Variants in PSD3 observed in about 807,000 individuals in gnomAD.
The protein encoded by PSD3 is pleckstrin and Sec7 domain containing 3.
A neutral mutation model predicts 105.5 loss-of-function variants in PSD3; 49 were observed. That is an observed-to-expected ratio of 0.46 (90% confidence interval 0.37 to 0.59). The LOEUF (loss-of-function observed/expected upper bound fraction) is 0.59. PSD3 is among the 20% of genes least tolerant of loss of function. The probability of loss-of-function intolerance (pLI) is 0.00; values close to 1 mark genes in which losing one functional copy is unlikely to be tolerated. For synonymous variants in PSD3, 557 were observed against 457.8 expected, an observed-to-expected ratio of 1.22 and a Z score of -2.77; for missense variants, 1,561 against 1,263.8, an observed-to-expected ratio of 1.24 and a Z score of -3.57.
chr8:18,774,000 T>C (rs534642910), intron 8 of PSD3, among the ~76,000 whole-genome samples: 4 of 152,234 alleles, frequency 2.6e-5, no homozygotes, highest in Non-Finnish European at 5.9e-5. Context: ...ACTGTAAAAT[T>C]ATTTCACTTT....
intron 4 of PSD3, among the ~76,000 whole-genome samples, chr8:18,827,730 G>T (rs764608234): frequency 1.3e-5 from 2 of 151,892 alleles, no homozygotes; most frequent in Non-Finnish European, 2.9e-5. Context: ...ATCAATACAG[G>T]GTGGATGGAG....
At chr8:18,965,695 G>C (rs992600109) in intron 1 of PSD3, among the ~76,000 whole-genome samples, 11 of 152,224 alleles carry the variant, frequency 7.2e-5, no homozygotes, top group Non-Finnish European at 7.3e-5. Context: ...GGTCAAGCTT[G>C]CAAGATTCTG....
At chr8:18,698,713 C>A (rs889156820) in intron 9 of PSD3, among the ~76,000 whole-genome samples, 28 of 152,100 alleles carry the variant, frequency 1.8e-4, no homozygotes, top group Non-Finnish European at 3.7e-4. Flanking sequence ...AACAGATATA[C>A]CTATAATCAT....
chr8:19,011,912 T>C (rs543615081), intron 1 of PSD3, among the ~76,000 whole-genome samples: 3 of 152,246 alleles, frequency 2.0e-5, no homozygotes, highest in Admixed American at 2.0e-4. Flanking sequence ...CAAACAGATA[T>C]TTAGAATGTG....
At chr8:18,973,586 C>T (rs1164337974) in intron 1 of PSD3, among the ~76,000 whole-genome samples, 1 of 152,168 alleles carries the variant, frequency 6.6e-6, no homozygotes, top group Non-Finnish European at 1.5e-5. Context: ...AAATGCCCTA[C>T]CTCCAAATAC....
At position 19,022,861 on chromosome 8, in the gene PSD3, A is replaced by AC. The variant is rs1400975556; in HGVS notation, c.324+61344dup. On this transcript the variant is annotated intron_variant, in intron 1 of 1. Transcript: ENST00000521475. ...CAAGATTGTAGAACAAAGTCTCAGG[A>AC]CCCTTTTTTTTTTTTTAATCTGTGC... 1.1e-4 allele frequency among the ~76,000 whole-genome samples: 5 copies of AC among 46,366 alleles called. No individual in the cohort carries two copies. In the Admixed American group the frequency reaches 1.2e-3, roughly 11 times the overall value. The allele number at this position is 46,366 out of a possible 152,430, so 30.4% of individuals were successfully genotyped here. A position where few individuals can be genotyped will look rare whatever the true frequency, so the allele number is the denominator to read the frequency against.
intron 12 of PSD3, among the ~76,000 whole-genome samples, chr8:18,594,394 ATATAT>A (rs1323314268): frequency 1.4e-4 from 16 of 114,920 alleles, no homozygotes; most frequent in Non-Finnish European, 4.9e-5. Flanking sequence ...ATTATATATA[ATATAT>A]TATATAATAT....
intron 9 of PSD3, chr8:18,734,063 T>C (rs1803971346): frequency 6.6e-6 from 1 of 152,210 alleles, no homozygotes; most frequent in Non-Finnish European, 1.5e-5. Flanking sequence ...TATAAGGTGC[T>C]AGAAAAATAA....
At chr8:19,082,121 C>G (rs1245846822) in intron 1 of PSD3, among the ~76,000 whole-genome samples, 1 of 152,228 alleles carries the variant, frequency 6.6e-6, no homozygotes, top group African/African-American at 2.4e-5. Context: ...GCACCTTAAT[C>G]TGTCCAGGGC....
intron 1 of PSD3, among the ~76,000 whole-genome samples, chr8:18,988,707 T>C (rs1366643670): frequency 6.6e-6 from 1 of 152,212 alleles, no homozygotes; most frequent in African/African-American, 2.4e-5. Context: ...AAAGTGTTGA[T>C]TTGAAGGTGT....
intron 4 of PSD3, among the ~76,000 whole-genome samples, chr8:18,866,520 G>C (rs1231144803): frequency 6.6e-6 from 1 of 152,170 alleles, no homozygotes; most frequent in African/African-American, 2.4e-5. Flanking sequence ...AACGTAAGTG[G>C]CTTGCCCAAG....
intron 14 of PSD3, among the ~76,000 whole-genome samples, chr8:18,557,816 C>G (rs537550047): frequency 6.6e-6 from 1 of 152,164 alleles, no homozygotes; most frequent in Non-Finnish European, 1.5e-5. Flanking sequence ...CTTTTATTTA[C>G]AAGTTCTTAC....
intron 4 of PSD3, among the ~76,000 whole-genome samples, chr8:18,812,935 C>A (rs979009920): frequency 6.6e-6 from 1 of 152,126 alleles, no homozygotes; most frequent in Non-Finnish European, 1.5e-5. Flanking sequence ...GAACAACAAT[C>A]AGACTTGGGT....
intron 10 of PSD3, among the ~76,000 whole-genome samples, chr8:18,644,020 A>C (rs965445449): frequency 6.6e-6 from 1 of 152,152 alleles, no homozygotes; most frequent in African/African-American, 2.4e-5. Flanking sequence ...TCTGGTGGAG[A>C]GCACCCTGGG....
At chr8:18,983,467 A>C (rs1024562389) in intron 1 of PSD3, among the ~76,000 whole-genome samples, 58 of 152,124 alleles carry the variant, frequency 3.8e-4, no homozygotes, top group African/African-American at 1.4e-3. Context: ...CGCCCTTCTC[A>C]CTAAGCTTAA....
chr8:18,801,534 G>C (rs970604738), intron 6 of PSD3, 152 bp from the exon 7 acceptor site: 2 of 559,726 alleles, frequency 3.6e-6, no homozygotes, highest in African/African-American at 1.9e-5. Context: ...TCATTTACTA[G>C]ACAGCCATTC....
intron 1 of PSD3, among the ~76,000 whole-genome samples, chr8:18,970,297 C>A (rs565417364): frequency 8.6e-6 from 1 of 116,520 alleles, no homozygotes; most frequent in Non-Finnish European, 1.6e-5. Flanking sequence ...TGCACTCCAG[C>A]CTGGGCGACA....
chr8:18,741,582 CTATTCATCTAT>C (rs1804575914), intron 9 of PSD3, among the ~76,000 whole-genome samples: 3 of 152,136 alleles, frequency 2.0e-5, no homozygotes, highest in Non-Finnish European at 2.9e-5. Context: ...TGCAGCTGTG[CTATTCATCTAT>C]AGACTCTACT....
intron 11 of PSD3, among the ~76,000 whole-genome samples, chr8:18,604,699 G>A (rs1447358586): frequency 1.3e-5 from 2 of 152,192 alleles, no homozygotes; most frequent in African/African-American, 4.8e-5. Context: ...AGGCCTAGGA[G>A]GGAAGAATGG....
Sources: allele counts gnomAD v4.1 joint callset (sites outside exome capture counted in the v4.1 genomes callset), GRCh38; gene constraint gnomAD v4.1.1; transcripts MANE v1.5; gene names NCBI Gene and HGNC (gene_info 2026-07-23, HGNC 2026-07-21).